IKZF2: variants seen among roughly 807,000 people sequenced by gnomAD.
The protein encoded by IKZF2 is IKAROS family zinc finger 2.
Under a neutral mutation model 49.2 loss-of-function variants are expected in IKZF2, and 15 were observed. That is an observed-to-expected ratio of 0.30 (90% CI 0.20 to 0.47). The LOEUF (loss-of-function observed/expected upper bound fraction) is 0.47, where lower values mean the gene tolerates loss of function less well. IKZF2 is among the 20% of genes least tolerant of loss of function. The probability of loss-of-function intolerance (pLI) is 1.00; values close to 1 mark genes in which losing one functional copy is unlikely to be tolerated. For synonymous variants in IKZF2, 227 were observed against 221.4 expected (o/e 1.03, Z -0.23); for missense variants, 567 against 664.6 (o/e 0.85, Z 1.61).
chr2:213,144,326 G>A (rs2060972216), intron 4 of IKZF2, among the ~76,000 whole-genome samples: 1 of 151,744 alleles, frequency 6.6e-6, no homozygotes, highest in South Asian at 2.1e-4. Flanking sequence ...ACCCATTTAA[G>A]TAACTACCTG....
chr2:213,000,529 T>C lies in IKZF2; in HGVS notation c.*6831A>G, dbSNP rs984643970. On this transcript the variant is annotated 3_prime_UTR_variant, in exon 9 of 9. Coordinates refer to ENST00000434687, the MANE Select transcript of IKZF2 (RefSeq NM_001387220.1). ...CTTTAAAAGAAATGCCAAAGAAATG[T>C]TATCTTTTAACAAAACATGTATTTA... 6.6e-6 allele frequency: 1 copy of C among 151,786 alleles called. No homozygotes were observed. Among genetic ancestry groups the C allele is most frequent in the East Asian group, 1.9e-4 (1 of 5,164 alleles). 9.4% of individuals were successfully genotyped at this position (151,786 alleles called of 1,614,324 possible). A position where few individuals can be genotyped will look rare whatever the true frequency, so the allele number is the denominator to read the frequency against.
rs1553539362 is a variant in IKZF2 at position 213,005,193 on chromosome 2, G to GGGT, written c.*2166_*2167insACC. On this transcript the variant is annotated 3_prime_UTR_variant, in exon 9 of 9. Transcript: ENST00000434687. ...ATTATTATTTGGGAGTGGTTGGGTG[G>GGGT]GGGGGGGTGAGCGAGTCTCAAAAAC... 2.2e-5 allele frequency: 3 copies of GGGT among 135,190 alleles called. 1 individual carries two copies. The highest frequency in any genetic ancestry group is 3.2e-5 in the Non-Finnish European group (2 of 62,028). 8.4% of individuals were successfully genotyped at this position (135,190 alleles called of 1,614,324 possible).
intron 4 of IKZF2, among the ~76,000 whole-genome samples, chr2:213,071,462 G>A (rs779484389): frequency 6.6e-6 from 1 of 152,088 alleles, no homozygotes; most frequent in Non-Finnish European, 1.5e-5. Context: ...GATAAAATGT[G>A]AGTGTTCATT....
chr2:213,124,235 T>TGC (rs1491473302), intron 4 of IKZF2, among the ~76,000 whole-genome samples: 2 of 115,176 alleles, frequency 1.7e-5, no homozygotes, highest in Non-Finnish European at 3.4e-5. Context: ...CACGCACACA[T>TGC]GCGCTCGCGC....
chr2:213,037,958 G>A (rs918326259), intron 6 of IKZF2, among the ~76,000 whole-genome samples: 1 of 151,600 alleles, frequency 6.6e-6, no homozygotes, highest in Non-Finnish European at 1.5e-5. Context: ...TTATGAATGA[G>A]CTGCACTGGA....
chr2:213,048,574 TA>T (rs1489351486), intron 6 of IKZF2, among the ~76,000 whole-genome samples: 5 of 152,060 alleles, frequency 3.3e-5, no homozygotes, highest in Non-Finnish European at 7.4e-5. Context: ...AATTTTAAAA[TA>T]AAACATAAAA....
intron 4 of IKZF2, among the ~76,000 whole-genome samples, chr2:213,114,270 T>C (rs1287246609): frequency 6.6e-6 from 1 of 152,228 alleles, no homozygotes; most frequent in East Asian, 1.9e-4. Flanking sequence ...GGTTTTTTTT[T>C]ACTCTGACAA....
intron 8 of IKZF2, among the ~76,000 whole-genome samples, chr2:213,011,898 T>C (rs146447448): frequency 5.3e-5 from 8 of 151,922 alleles, no homozygotes; most frequent in Non-Finnish European, 1.0e-4. Flanking sequence ...AAGGGGATGA[T>C]AGATCAGCCA....
At chr2:213,134,115 A>G (rs2060571250) in intron 4 of IKZF2, among the ~76,000 whole-genome samples, 2 of 152,364 alleles carry the variant, frequency 1.3e-5, no homozygotes, top group Middle Eastern at 3.4e-3. Context: ...ATAACAGAGT[A>G]TGATCTCAAG....
chr2:213,128,598 G>A (rs1291702306), intron 4 of IKZF2, among the ~76,000 whole-genome samples: 1 of 151,076 alleles, frequency 6.6e-6, no homozygotes, highest in Non-Finnish European at 1.5e-5. Flanking sequence ...GGAACACCAA[G>A]CCAAGAGTCA....
chr2:213,061,207 C>T (rs993476634), intron 4 of IKZF2, among the ~76,000 whole-genome samples: 12 of 151,376 alleles, frequency 7.9e-5, no homozygotes, highest in African/African-American at 1.2e-4. Flanking sequence ...CCATTCTAGG[C>T]TCTCTACAAT....
At chr2:213,046,670 G>A (rs1453748859) in intron 6 of IKZF2, among the ~76,000 whole-genome samples, 1 of 152,142 alleles carries the variant, frequency 6.6e-6, no homozygotes, top group Non-Finnish European at 1.5e-5. Context: ...AAAATTGGAC[G>A]ACTGGTGACA....
At chr2:213,096,472 T>C (rs552833423) in intron 4 of IKZF2, among the ~76,000 whole-genome samples, 14 of 152,112 alleles carry the variant, frequency 9.2e-5, no homozygotes, top group Non-Finnish European at 8.8e-5. Context: ...AGATAATGTA[T>C]GGATGTATAT....
At chr2:213,030,265 T>C (rs1283097170) in intron 6 of IKZF2, among the ~76,000 whole-genome samples, 1 of 151,680 alleles carries the variant, frequency 6.6e-6, no homozygotes, top group Non-Finnish European at 1.5e-5. Context: ...CCACACCTAC[T>C]TTTTTTTTCT....
chr2:213,025,058 A>G (rs909460990), intron 6 of IKZF2, among the ~76,000 whole-genome samples: 3 of 152,098 alleles, frequency 2.0e-5, no homozygotes, highest in African/African-American at 4.8e-5. Flanking sequence ...TTGAAAAGTC[A>G]GTGGTCTCTG....
chr2:213,093,915 CAGA>C (rs1215576233), intron 4 of IKZF2, among the ~76,000 whole-genome samples: 1 of 152,076 alleles, frequency 6.6e-6, no homozygotes, highest in East Asian at 1.9e-4. Flanking sequence ...ATTCTAAGAA[CAGA>C]AGGTCATTCT....
At chr2:213,139,942 G>A (rs925718285) in intron 4 of IKZF2, among the ~76,000 whole-genome samples, 9 of 151,964 alleles carry the variant, frequency 5.9e-5, no homozygotes, top group Non-Finnish European at 7.4e-5. Context: ...GCAATAAGCA[G>A]TATTACGATC....
rs1394942120 is a variant in IKZF2 at position 213,006,218 on chromosome 2, G to A, written c.*1142C>T. On this transcript the variant is annotated 3_prime_UTR_variant, in exon 9 of 9. Transcript: ENST00000434687. ...AGATTTTGAAAGAAACAGCCGACAG[G>A]AAGACTTTTAAGACCTTCTACTCGA... is the stretch of plus-strand genomic sequence containing the variant. 3 of 152,178 alleles carry A rather than the reference G, an allele frequency of 2.0e-5. No homozygotes were observed. The highest frequency in any genetic ancestry group is 2.9e-5 in the Non-Finnish European group (2 of 67,954). 9.4% of individuals were successfully genotyped at this position (152,178 alleles called of 1,614,324 possible). A position where few individuals can be genotyped will look rare whatever the true frequency, so the allele number is the denominator to read the frequency against.
intron 4 of IKZF2, among the ~76,000 whole-genome samples, chr2:213,123,231 C>T (rs767632523): frequency 2.0e-5 from 3 of 152,166 alleles, no homozygotes; most frequent in Admixed American, 6.5e-5. Context: ...AAGTAAAATC[C>T]TGAAAGATGA....
Sources: allele counts gnomAD v4.1 joint callset (sites outside exome capture counted in the v4.1 genomes callset), GRCh38; gene constraint gnomAD v4.1.1; transcripts MANE v1.5; gene names NCBI Gene and HGNC (gene_info 2026-07-23, HGNC 2026-07-21).